Variants in MRPS12 observed in about 807,000 individuals in gnomAD.
MRPS12 encodes small ribosomal subunit protein uS12m.
A neutral mutation model predicts 8.4 loss-of-function variants in MRPS12; 7 were observed. The observed-to-expected ratio is 0.83, with a 90% CI of 0.47 to 1.56. MRPS12 has a LOEUF of 1.56. Ranked by LOEUF, MRPS12 falls within the 40% of genes most tolerant of loss-of-function variation. The probability of loss-of-function intolerance (pLI) is 0.01; values close to 1 mark genes in which losing one functional copy is unlikely to be tolerated. For missense variants in MRPS12, 200 were observed against 194.1 expected (o/e 1.03, Z -0.18); for synonymous variants, 84 against 84.1 (o/e 1.00, Z 0.01).
At chr19:38,931,472 C>A in intron 2 of MRPS12, 129 bp downstream of exon 2, 1 of 844,054 alleles carries the variant, frequency 1.2e-6, no homozygotes, top group Non-Finnish European at 1.7e-6. Context: ...TTTGGCAGAG[C>A]TAGGGCTGCT....
chr19:38,931,233 G>C, intron 1 of MRPS12, 43 bp from the exon 2 acceptor site: 1 of 1,490,386 alleles, frequency 6.7e-7, no homozygotes, highest in Non-Finnish European at 9.0e-7. Flanking sequence ...TTGCGGATCG[G>C]TCACTTTTTC....
In MRPS12 at chr19:38,932,325, C is replaced by T; in HGVS notation, c.50-8C>T. 6.6e-7 allele frequency: 1 copy of T among 1,513,552 alleles called. No individual in the cohort carries two copies. The allele number at this position is 1,513,552 out of a possible 1,614,324, so 93.8% of individuals were successfully genotyped here. A position where few individuals can be genotyped will look rare whatever the true frequency, so the allele number is the denominator to read the frequency against. Reference sequence around the variant, plus strand: ...TCTGGGATAATAACCCCTTTCGGCCCTCTCCAGGCCCAGCTCTGGTTCCCC... The same window carrying T: ...TCTGGGATAATAACCCCTTTCGGCCTTCTCCAGGCCCAGCTCTGGTTCCCC... On this transcript the variant is annotated splice_polypyrimidine_tract_variant and splice_region_variant and intron_variant, in intron 2 of 2. Coordinates refer to ENST00000308018, the MANE Select transcript of MRPS12 (RefSeq NM_033362.4).
chr19:38,932,648 A>G lies in MRPS12; in HGVS notation c.365A>G (p.Lys122Arg), dbSNP rs752232760. The G allele has an allele frequency of 1.9e-6, 3 of 1,613,792 alleles. No homozygotes were observed. In the East Asian group the frequency reaches 6.7e-5, roughly 36 times the overall value. Residue 122 changes from lysine to arginine, a missense_variant, in exon 3 of 3, where the codon AAG becomes AGG. Physicochemically the swap from Lys to Arg is conservative, Grantham distance 26 (BLOSUM62 2). Transcript: ENST00000308018. The stretch of plus-strand genomic sequence containing the variant: ...CGCACCCAGGACCTGCCAGGCGTCA[A>G]GCTCACCGTTGTGCGTGGCAAGTAC... Reference protein sequence around the residue: ...GGRTQDLPGVKLTVVRGKYDC... With the variant: ...GGRTQDLPGVRLTVVRGKYDC...
At position 38,932,418 on chromosome 19, in the gene MRPS12, G is replaced by A. The variant is rs138168830; in HGVS notation, c.135G>A (p.Pro45=). The change falls in exon 3 of 3, where the codon CCG becomes CCA. Residue 45 remains proline (P), a synonymous_variant. Transcript: ENST00000308018. The stretch of plus-strand genomic sequence containing the variant: ...ACCGCCTGGGGCCCCCCAAGCGGCC[G>A]CCTCGGAAGCTGGGCCCCACGGAAG... ...QMHRLGPPKR[P]PRKLGPTEGR... is the part of the protein sequence containing the mutation. 8 of 1,609,236 alleles carry A rather than the reference G, an allele frequency of 5.0e-6. No individual in the cohort carries two copies. The highest frequency in any genetic ancestry group is 1.7e-4 in the Middle Eastern group (1 of 6,044).
In MRPS12 at chr19:38,930,969, G is replaced by C. The variant is rs1327681937; in HGVS notation, c.-49G>C. The C allele has an allele frequency of 3.3e-6, 2 of 613,926 alleles. No homozygotes were observed. Among genetic ancestry groups the C allele is most frequent in the Non-Finnish European group, 5.7e-6 (2 of 348,304 alleles). 38.0% of individuals were successfully genotyped at this position (613,926 alleles called of 1,614,324 possible). A position where few individuals can be genotyped will look rare whatever the true frequency, so the allele number is the denominator to read the frequency against. On this transcript the variant is annotated 5_prime_UTR_variant, in exon 1 of 3. Coordinates refer to ENST00000308018, the MANE Select transcript of MRPS12 (RefSeq NM_033362.4). ...AGAGGCTAGAAGCTGGATTCAGCGT[G>C]TCCGCGACCTCACCTTTAGGTCCTG...
At position 38,932,790 on chromosome 19, in the gene MRPS12, G is replaced by A. The variant is rs997961674; in HGVS notation, c.*90G>A. ...AGGGTCCTCCGATGCTGGCCTTTGC[G>A]CCTCTAGAGGCAGCCACTCATGGAT... On this transcript the variant is annotated 3_prime_UTR_variant, in exon 3 of 3. Transcript: ENST00000308018. 2.0e-6 allele frequency: 3 copies of A among 1,505,304 alleles called. No individual in the cohort carries two copies. The highest frequency in any genetic ancestry group is 2.7e-6 in the Non-Finnish European group (3 of 1,124,044). The allele number at this position is 1,505,304 out of a possible 1,614,324, so 93.2% of individuals were successfully genotyped here. A position where few individuals can be genotyped will look rare whatever the true frequency, so the allele number is the denominator to read the frequency against.
Position 38,932,767 on chromosome 19 carries a change from G to C in MRPS12, c.*67G>C, listed in dbSNP as rs1974787140. The C allele has an allele frequency of 7.0e-6, 11 of 1,565,562 alleles. No homozygotes were observed. The Admixed American group carries it at 1.4e-4, about 20-fold the overall frequency. The stretch of plus-strand genomic sequence containing the variant: ...AACCTTCCGCTCCTGGCTGCCACAG[G>C]GTCCTCCGATGCTGGCCTTTGCGCC... On this transcript the variant is annotated 3_prime_UTR_variant, in exon 3 of 3. Transcript: ENST00000308018.
At position 38,932,527 on chromosome 19, in the gene MRPS12, C is replaced by T. The variant is rs759826028; in HGVS notation, c.244C>T (p.Arg82Ter). 3.7e-6 allele frequency: 6 copies of T among 1,612,870 alleles called. No individual in the cohort carries two copies. In the East Asian group the frequency reaches 6.7e-5, roughly 18 times the overall value. Residue 82 changes from arginine to a stop codon, truncating the protein, a stop_gained, in exon 3 of 3, where the codon CGA becomes TGA. Coordinates refer to ENST00000308018, the MANE Select transcript of MRPS12 (RefSeq NM_033362.4). LOFTEE classifies it high-confidence loss of function. ...CAACTCAGCCAATCGCAAGTGCTGT[C>T]GAGTGCGGCTCAGCACTGGCCGCGA... ...KPNSANRKCC[R>*]VRLSTGREAV...
chr19:38,932,967 G>A lies in MRPS12; in HGVS notation c.*267G>A, dbSNP rs1974791056. On this transcript the variant is annotated 3_prime_UTR_variant, in exon 3 of 3. Coordinates refer to ENST00000308018, the MANE Select transcript of MRPS12 (RefSeq NM_033362.4). ...TTCTGCTGGGACAAGACACTGTACT[G>A]CCCTCTGCTGGGAAGGGGTTTTAAT... 6.5e-6 allele frequency: 3 copies of A among 459,408 alleles called. No individual in the cohort carries two copies. Among genetic ancestry groups the A allele is most frequent in the South Asian group, 5.8e-5 (2 of 34,484 alleles). The allele number at this position is 459,408 out of a possible 1,614,324, so 28.5% of individuals were successfully genotyped here. A position where few individuals can be genotyped will look rare whatever the true frequency, so the allele number is the denominator to read the frequency against.
Position 38,931,266 on chromosome 19 carries a change from C to G in MRPS12, c.-19-10C>G. 1 of 1,584,598 alleles carries G rather than the reference C, an allele frequency of 6.3e-7. No homozygotes were observed. The highest frequency in any genetic ancestry group is 1.1e-5 in the South Asian group (1 of 87,386). Reference sequence around the variant, plus strand: ...TTCCTCCTTTCTGAGTCTCTTATCCCCTACCACAGGGACGGCCCAGGTGGC... The same window carrying G: ...TTCCTCCTTTCTGAGTCTCTTATCCGCTACCACAGGGACGGCCCAGGTGGC... On this transcript the variant is annotated splice_polypyrimidine_tract_variant and intron_variant, in intron 1 of 2. Coordinates refer to ENST00000308018, the MANE Select transcript of MRPS12 (RefSeq NM_033362.4).
rs150622911 is a variant in MRPS12, at chr19:38,932,604, T to C, written c.321T>C (p.Ile107=). ...GCCACACCCTGCAGGAGCACCAGAT[T>C]GTCCTTGTGGAGGGCGGCCGCACCC... ...GEGHTLQEHQ[I]VLVEGGRTQD... is the part of the protein sequence containing the mutation. The change falls in exon 3 of 3, where the codon ATT becomes ATC. Residue 107 remains isoleucine, a synonymous_variant. Coordinates refer to ENST00000308018, the MANE Select transcript of MRPS12 (RefSeq NM_033362.4). 1 of 1,613,756 alleles carries C rather than the reference T, an allele frequency of 6.2e-7. No homozygotes were observed. Among genetic ancestry groups the C allele is most frequent in the East Asian group, 2.2e-5 (1 of 44,884 alleles).
intron 2 of MRPS12, 85 bp downstream of exon 2, chr19:38,931,428 C>G (rs746430869): frequency 4.7e-5 from 62 of 1,321,540 alleles, no homozygotes; most frequent in Non-Finnish European, 6.2e-5. Flanking sequence ...GTCGGAGCCC[C>G]GAGGGAAACG....
intron 2 of MRPS12, chr19:38,931,581 G>T (rs115730238): frequency 2.7e-6 from 1 of 374,980 alleles, no homozygotes; most frequent in Non-Finnish European, 4.8e-6. Flanking sequence ...TCCCTCTGTC[G>T]CCCAGGCTGA....
rs1402385336 is a variant in MRPS12 at position 38,933,008 on chromosome 19, C to T, written c.*308C>T. ...GGGTTTTAATAAACAGACCCTGGCG[C>T]TTGTGATGTAAATCCCCTTGTGGAG... On this transcript the variant is annotated 3_prime_UTR_variant, in exon 3 of 3. Transcript: ENST00000308018. The T allele has an allele frequency of 9.4e-6, 3 of 319,888 alleles. No homozygotes were observed. Among genetic ancestry groups the T allele is most frequent in the South Asian group, 4.7e-5 (1 of 21,370 alleles). 19.8% of individuals were successfully genotyped at this position (319,888 alleles called of 1,614,324 possible). A position where few individuals can be genotyped will look rare whatever the true frequency, so the allele number is the denominator to read the frequency against.
chr19:38,931,586 G>GGCTGAAGT, intron 2 of MRPS12: 1 of 369,808 alleles, frequency 2.7e-6, no homozygotes, highest in Admixed American at 4.5e-5. Context: ...CTGTCGCCCA[G>GGCTGAAGT]GCTGAAGTGC....
At chr19:38,931,633 C>G (rs1974752482) in intron 2 of MRPS12, 1 of 268,802 alleles carries the variant, frequency 3.7e-6, no homozygotes, top group Non-Finnish European at 7.0e-6. Context: ...TCTCGACCTC[C>G]TGGGCTCAAG....
In MRPS12 at chr19:38,932,795, T is replaced by C; in HGVS notation, c.*95T>C. On this transcript the variant is annotated 3_prime_UTR_variant, in exon 3 of 3. Transcript: ENST00000308018. ...CCTCCGATGCTGGCCTTTGCGCCTC[T>C]AGAGGCAGCCACTCATGGATTCAAG... 3 of 1,494,448 alleles carry C rather than the reference T, an allele frequency of 2.0e-6. No individual in the cohort carries two copies. Among genetic ancestry groups the C allele is most frequent in the Non-Finnish European group, 1.8e-6 (2 of 1,114,914 alleles). The allele number at this position is 1,494,448 out of a possible 1,614,324, so 92.6% of individuals were successfully genotyped here.
At position 38,932,965 on chromosome 19, in the gene MRPS12, C is replaced by T. The variant is rs938393868; in HGVS notation, c.*265C>T. On this transcript the variant is annotated 3_prime_UTR_variant, in exon 3 of 3. Transcript: ENST00000308018. ...TTTTCTGCTGGGACAAGACACTGTA[C>T]TGCCCTCTGCTGGGAAGGGGTTTTA... is the stretch of plus-strand genomic sequence containing the variant. 6 of 462,670 alleles carry T rather than the reference C, an allele frequency of 1.3e-5. No homozygotes were observed. The highest frequency in any genetic ancestry group is 1.0e-4 in the African/African-American group (5 of 49,960). 28.7% of individuals were successfully genotyped at this position (462,670 alleles called of 1,614,324 possible).
At chr19:38,931,175 T>C (rs1974740830) in intron 1 of MRPS12, 101 bp from the exon 2 acceptor site, 1 of 898,970 alleles carries the variant, frequency 1.1e-6, no homozygotes. Flanking sequence ...TATAGAGGTA[T>C]TTCCTTTGAT....
Sources: allele counts gnomAD v4.1 joint callset, GRCh38; gene constraint gnomAD v4.1.1; transcripts MANE v1.5; gene names NCBI Gene and HGNC (gene_info 2026-07-23, HGNC 2026-07-21).